KCNH8: variants seen among roughly 807,000 people sequenced by gnomAD.
KCNH8 encodes voltage-gated delayed rectifier potassium channel KCNH8.
Under a neutral mutation model 103.6 loss-of-function variants are expected in KCNH8, and 70 were observed. The ratio of observed to expected loss-of-function variants is 0.68; its 90% CI spans 0.56 to 0.82. The LOEUF (loss-of-function observed/expected upper bound fraction) is 0.82. Ranked by LOEUF, KCNH8 falls within the 40% of genes least tolerant of loss-of-function variation. The pLI, the probability that KCNH8 is intolerant of heterozygous loss-of-function variation, is 0.00. For missense variants in KCNH8, 1,217 were observed against 1,329.9 expected (o/e 0.92, Z 1.32); for synonymous variants, 498 against 489.4 (o/e 1.02, Z -0.23).
At chr3:19,287,089 A>AT (rs2064842325) in intron 3 of KCNH8, among the ~76,000 whole-genome samples, 1 of 151,800 alleles carries the variant, frequency 6.6e-6, no homozygotes, top group African/African-American at 2.4e-5. Context: ...GACAGCCATC[A>AT]ATATATTGAT....
chr3:19,437,909 G>A (rs1389137784), intron 7 of KCNH8, among the ~76,000 whole-genome samples: 1 of 152,120 alleles, frequency 6.6e-6, no homozygotes, highest in African/African-American at 2.4e-5. Flanking sequence ...AGAGTAACTT[G>A]TTTAGCTTTG....
intron 11 of KCNH8, among the ~76,000 whole-genome samples, chr3:19,466,491 GTTGTT>G (rs1298157082): frequency 6.6e-6 from 1 of 151,874 alleles, no homozygotes; most frequent in Non-Finnish European, 1.5e-5. Context: ...AAACTTCATT[GTTGTT>G]TTATTTTCAG....
At chr3:19,508,246 T>C (rs1208810283) in intron 11 of KCNH8, among the ~76,000 whole-genome samples, 1 of 152,178 alleles carries the variant, frequency 6.6e-6, no homozygotes, top group African/African-American at 2.4e-5. Context: ...ACTAGGCTTA[T>C]TCTGCTTGAC....
chr3:19,500,283 A>T (rs1286881081), intron 11 of KCNH8, among the ~76,000 whole-genome samples: 1 of 152,178 alleles, frequency 6.6e-6, no homozygotes, highest in South Asian at 2.1e-4. Context: ...CAGAATCATA[A>T]AGCAAGTCCT....
intron 1 of KCNH8, among the ~76,000 whole-genome samples, chr3:19,249,129 T>C (rs1175383733): frequency 1.3e-5 from 2 of 152,250 alleles, no homozygotes; most frequent in Non-Finnish European, 2.9e-5. Context: ...CTTAAAAGGT[T>C]AAATACCCTT....
intron 3 of KCNH8, among the ~76,000 whole-genome samples, chr3:19,339,354 G>C (rs929093060): frequency 6.6e-6 from 1 of 152,072 alleles, no homozygotes; most frequent in African/African-American, 2.4e-5. Context: ...GAAGCCAATT[G>C]ATATGGTATA....
At chr3:19,526,197 C>T (rs1382992316) in intron 15 of KCNH8, among the ~76,000 whole-genome samples, 2 of 151,774 alleles carry the variant, frequency 1.3e-5, no homozygotes, top group Admixed American at 1.3e-4. Context: ...AAAATGTGTA[C>T]ATGTTTGGCA....
intron 1 of KCNH8, among the ~76,000 whole-genome samples, chr3:19,200,596 A>G (rs2063648089): frequency 6.6e-6 from 1 of 150,632 alleles, no homozygotes; most frequent in South Asian, 2.1e-4. Flanking sequence ...AATTTTACCT[A>G]TTTTTAAAAA....
rs139398536 is a variant in KCNH8, at chr3:19,327,864, C to T, written c.443-14723C>T. Among the ~76,000 whole-genome samples, 137 of 152,184 alleles carry T rather than the reference C, an allele frequency of 9.0e-4. 4 individuals carry two copies. In the East Asian group the frequency reaches 0.021, roughly 24 times the overall value. ...AAGCAAAATATGTAAGCTCTTTTAC[C>T]TCAAGTCTTCTCTTCTACTAACTAA... On this transcript the variant is annotated intron_variant, in intron 3 of 15. Transcript: ENST00000328405.
chr3:19,394,562 A>C (rs907956846), intron 6 of KCNH8, among the ~76,000 whole-genome samples: 7 of 152,206 alleles, frequency 4.6e-5, no homozygotes, highest in African/African-American at 1.7e-4. Flanking sequence ...AGTATAGTAC[A>C]TGAGGCAGAA....
intron 11 of KCNH8, among the ~76,000 whole-genome samples, chr3:19,463,029 T>C (rs2067665179): frequency 6.6e-6 from 1 of 152,136 alleles, no homozygotes; most frequent in African/African-American, 2.4e-5. Context: ...TTTTTTCTTA[T>C]CATAACTCCC....
At chr3:19,273,572 A>G (rs772976989) in intron 2 of KCNH8, among the ~76,000 whole-genome samples, 2 of 152,178 alleles carry the variant, frequency 1.3e-5, no homozygotes, top group Non-Finnish European at 2.9e-5. Context: ...CAGAGCTGCC[A>G]TGGTATACAG....
intron 3 of KCNH8, among the ~76,000 whole-genome samples, chr3:19,300,542 T>G (rs563800317): frequency 5.4e-4 from 82 of 152,292 alleles, no homozygotes; most frequent in Admixed American, 9.2e-4. Context: ...CTCTGTAGTT[T>G]AGAAAACAAA....
chr3:19,531,054 G>A (rs979755191), intron 15 of KCNH8, among the ~76,000 whole-genome samples: 8 of 152,180 alleles, frequency 5.3e-5, no homozygotes, highest in African/African-American at 1.7e-4. Context: ...AATTGCTGAT[G>A]TGCCTAAAAT....
chr3:19,531,514 A>G (rs1178990532), intron 15 of KCNH8, among the ~76,000 whole-genome samples: 1 of 152,244 alleles, frequency 6.6e-6, no homozygotes, highest in East Asian at 1.9e-4. Context: ...AGCCTGGACA[A>G]GTATTCAGTT....
At chr3:19,417,685 C>A (rs1188232678) in intron 7 of KCNH8, among the ~76,000 whole-genome samples, 1 of 151,946 alleles carries the variant, frequency 6.6e-6, no homozygotes, top group Non-Finnish European at 1.5e-5. Context: ...TTTCTAACTG[C>A]TACTTTAATC....
intron 5 of KCNH8, among the ~76,000 whole-genome samples, chr3:19,379,731 A>G (rs2066264115): frequency 6.6e-6 from 1 of 152,206 alleles, no homozygotes; most frequent in Admixed American, 6.5e-5. Context: ...ACAGCCAAAT[A>G]TCACATTTGC....
chr3:19,433,399 CT>C (rs1230377687), intron 7 of KCNH8, among the ~76,000 whole-genome samples: 7 of 152,172 alleles, frequency 4.6e-5, no homozygotes, highest in Admixed American at 4.6e-4. Context: ...AAAAGTCATA[CT>C]TTTTACACAG....
chr3:19,391,732 C>T (rs918615661), intron 6 of KCNH8: 2 of 151,844 alleles, frequency 1.3e-5, no homozygotes, highest in African/African-American at 4.8e-5. Context: ...ACGTTTATGA[C>T]TCAACTGAAA....
Sources: gnomAD v4.1 joint callset for allele counts (sites outside exome capture counted in the v4.1 genomes callset) on GRCh38, gnomAD v4.1.1 for gene constraint, MANE v1.5 for transcripts, NCBI Gene and HGNC (gene_info 2026-07-23, HGNC 2026-07-21) for gene names.